TMCO1: variants seen among roughly 807,000 people sequenced by gnomAD.
The protein encoded by TMCO1 is calcium load-activated calcium channel.
In TMCO1, 29 loss-of-function variants were observed where a neutral mutation model predicts 29.3. The ratio of observed to expected loss-of-function variants is 0.99; its 90% confidence interval spans 0.74 to 1.35. The LOEUF (loss-of-function observed/expected upper bound fraction) is 1.35. Ranked by LOEUF, TMCO1 falls within the 40% of genes most tolerant of loss-of-function variation. TMCO1 has a pLI of 0.00. For synonymous variants in TMCO1, 80 were observed against 77.1 expected, an observed-to-expected ratio of 1.04 and a Z score of -0.20; for missense variants, 173 against 225.5, an observed-to-expected ratio of 0.77 and a Z score of 1.49.
intron 6 of TMCO1, among the ~76,000 whole-genome samples, chr1:165,732,512 T>A: frequency 6.7e-6 from 1 of 149,870 alleles, no homozygotes; most frequent in South Asian, 2.1e-4. Flanking sequence ...TCTCTATATA[T>A]ATATATATAA....
intron 6 of TMCO1, among the ~76,000 whole-genome samples, chr1:165,728,859 G>T (rs1413466227): frequency 6.6e-6 from 1 of 152,104 alleles, no homozygotes; most frequent in Non-Finnish European, 1.5e-5. Context: ...CACTTTGGGA[G>T]GCTGAGGTGG....
intron 3 of TMCO1, among the ~76,000 whole-genome samples, chr1:165,756,750 T>C (rs534231244): frequency 1.3e-5 from 2 of 152,020 alleles, no homozygotes; most frequent in South Asian, 4.1e-4. Flanking sequence ...GCTTCCCTCT[T>C]ACTGAAAACT....
intron 2 of TMCO1, among the ~76,000 whole-genome samples, chr1:165,763,584 C>G (rs1423836061): frequency 6.6e-6 from 1 of 152,096 alleles, no homozygotes; most frequent in Non-Finnish European, 1.5e-5. Flanking sequence ...AGTAAAATTG[C>G]AACTACAGAT....
intron 5 of TMCO1, among the ~76,000 whole-genome samples, chr1:165,744,966 A>AT (rs1159802480): frequency 2.0e-5 from 3 of 151,816 alleles, no homozygotes; most frequent in East Asian, 1.9e-4. Flanking sequence ...CTAACCATAG[A>AT]TTTTTTTCCT....
chr1:165,768,126 TA>T, intron 2 of TMCO1, 65 bp downstream of exon 2: 1 of 1,330,962 alleles, frequency 7.5e-7, no homozygotes, highest in Non-Finnish European at 1.1e-6. Context: ...TTAAAATATT[TA>T]TTGTGAACAT....
intron 2 of TMCO1, among the ~76,000 whole-genome samples, chr1:165,761,482 C>T (rs532180488): frequency 1.4e-3 from 216 of 151,942 alleles, no homozygotes; most frequent in African/African-American, 5.0e-3. Context: ...CTGCAGTGAG[C>T]TGTGTTCACT....
downstream of TMCO1, chr1:165,725,897 A>G (rs768295688): frequency 7.0e-5 from 41 of 589,406 alleles, 1 homozygote; most frequent in South Asian, 5.8e-4. Context: ...ATTTTAATGA[A>G]TAGGGTGAAT....
chr1:165,757,587 C>T (rs59679171), intron 3 of TMCO1, among the ~76,000 whole-genome samples: 2,020 of 152,324 alleles, frequency 0.013, 54 homozygotes, highest in African/African-American at 0.047. Context: ...ACCTCCACCT[C>T]CCAGATTCAA....
intron 6 of TMCO1, among the ~76,000 whole-genome samples, chr1:165,733,079 C>T (rs1163851604): frequency 6.6e-6 from 1 of 152,124 alleles, no homozygotes; most frequent in Non-Finnish European, 1.5e-5. Flanking sequence ...CATTTAAATC[C>T]TCACAACTTA....
chr1:165,726,977 T>C lies in TMCO1; in HGVS notation c.*1046A>G, dbSNP rs1650919617. 2.2e-6 allele frequency: 1 copy of C among 453,976 alleles called. No homozygotes were observed. Among genetic ancestry groups the C allele is most frequent in the South Asian group, 1.6e-5 (1 of 64,482 alleles). 28.1% of individuals were successfully genotyped at this position (453,976 alleles called of 1,614,324 possible). On this transcript the variant is annotated 3_prime_UTR_variant, in exon 7 of 7. Transcript: ENST00000367881. Reference sequence around the variant, plus strand: ...ATTACCTTGAAAATTATGTGTTTTTTCTCACTGGTAGAATACTCACATTTA... The same window carrying C: ...ATTACCTTGAAAATTATGTGTTTTTCCTCACTGGTAGAATACTCACATTTA...
chr1:165,725,881 A>T (rs1296371195), downstream of TMCO1: 38 of 547,082 alleles, frequency 6.9e-5, no homozygotes, highest in Non-Finnish European at 1.1e-4. Context: ...AAAAAAATTT[A>T]AAAAAATTTT....
chr1:165,736,689 C>T (rs952789057), intron 6 of TMCO1, among the ~76,000 whole-genome samples: 2 of 141,012 alleles, frequency 1.4e-5, no homozygotes, highest in African/African-American at 2.7e-5. Flanking sequence ...CACTGCACTA[C>T]AGCTTGGGCA....
intron 6 of TMCO1, among the ~76,000 whole-genome samples, chr1:165,734,930 T>C (rs1651311223): frequency 1.3e-5 from 2 of 152,150 alleles, no homozygotes; most frequent in South Asian, 4.1e-4. Flanking sequence ...TAAAATAGGG[T>C]AGAAAACGGA....
intron 2 of TMCO1, 54 bp from the exon 3 acceptor site, chr1:165,759,638 A>C (rs552812126): frequency 6.9e-7 from 1 of 1,444,118 alleles, no homozygotes; most frequent in African/African-American, 1.4e-5. Context: ...CTAAAGAAAC[A>C]AAGGATGCTT....
chr1:165,724,426 CA>C, downstream of TMCO1: 1 of 454,076 alleles, frequency 2.2e-6, no homozygotes, highest in Non-Finnish European at 4.4e-6. Context: ...ACAAGGTAAA[CA>C]ACACAACTTC....
chr1:165,744,008 C>T (rs932796904), intron 5 of TMCO1, among the ~76,000 whole-genome samples: 5 of 151,826 alleles, frequency 3.3e-5, no homozygotes, highest in Admixed American at 2.6e-4. Flanking sequence ...TACAGATGTG[C>T]ACCACCACAC....
At chr1:165,753,973 G>T (rs1652095255) in intron 4 of TMCO1, among the ~76,000 whole-genome samples, 1 of 152,052 alleles carries the variant, frequency 6.6e-6, no homozygotes, top group Admixed American at 6.5e-5. Flanking sequence ...ACATAAGAGG[G>T]AACTAAGAAC....
chr1:165,749,555 C>G (rs1268000509), intron 5 of TMCO1, among the ~76,000 whole-genome samples: 2 of 152,180 alleles, frequency 1.3e-5, no homozygotes, highest in Non-Finnish European at 2.9e-5. Context: ...CCCCAACACT[C>G]TGGGAGGCCA....
In TMCO1 at chr1:165,726,867, C is replaced by T. The variant is rs1650912889; in HGVS notation, c.*1156G>A. 2.2e-6 allele frequency: 1 copy of T among 453,796 alleles called. No individual in the cohort carries two copies. Among genetic ancestry groups the T allele is most frequent in the African/African-American group, 2.0e-5 (1 of 49,970 alleles). The allele number at this position is 453,796 out of a possible 1,614,324, so 28.1% of individuals were successfully genotyped here. On this transcript the variant is annotated 3_prime_UTR_variant, in exon 7 of 7. Coordinates refer to ENST00000367881, the MANE Select transcript of TMCO1 (RefSeq NM_019026.6). Reference sequence around the variant, plus strand: ...AAAATTCTAAGTTGATACTTATTTTCCTCAGCACTTTGAAGATACTTTTCT... The same window carrying T: ...AAAATTCTAAGTTGATACTTATTTTTCTCAGCACTTTGAAGATACTTTTCT...
Sources: allele counts gnomAD v4.1 joint callset (sites outside exome capture counted in the v4.1 genomes callset), GRCh38; gene constraint gnomAD v4.1.1; transcripts MANE v1.5; gene names NCBI Gene and HGNC (gene_info 2026-07-23, HGNC 2026-07-21).